The following NAP1L1 variants were observed in gnomAD, a reference collection of about 807,000 sequenced individuals.
NAP1L1 encodes the protein nucleosome assembly protein 1 like 1, also known as nucleosome assembly protein 1-like 1.
NAP1L1 carries 9 observed loss-of-function variants against 58.9 expected under a neutral mutation model. That is an observed-to-expected ratio of 0.15 (90% CI 0.09 to 0.27). The LOEUF is 0.27. Among genes scored for constraint, NAP1L1 ranks in the 10% least tolerant of loss-of-function variants. NAP1L1 has a pLI of 1.00. For synonymous variants in NAP1L1, 130 were observed against 138.3 expected (o/e 0.94, Z 0.42); for missense variants, 302 against 458.8 (o/e 0.66, Z 3.12).
rs1217574929 is a variant in NAP1L1, at chr12:76,048,452, G to C, written c.1153C>G (p.Pro385Ala). The C allele has an allele frequency of 1.2e-6, 2 of 1,613,606 alleles. No homozygotes were observed. Among genetic ancestry groups the C allele is most frequent in the Non-Finnish European group, 8.5e-7 (1 of 1,179,696 alleles). ...PDYDPKKDQN[P>A]AECKQQ Reference sequence around the variant, plus strand: ...CTTCACTGCTGCTTGCACTCTGCTGGGTTTTGATCCTTCTGTTAAAGGAAA... The same window carrying C: ...CTTCACTGCTGCTTGCACTCTGCTGCGTTTTGATCCTTCTGTTAAAGGAAA... The change falls in exon 15 of 15, where the codon CCA becomes GCA. Residue 385 changes from proline (P) to alanine (A), a missense_variant. Physicochemically the swap from Pro to Ala is conservative, Grantham distance 27 (BLOSUM62 -1). Coordinates refer to ENST00000618691, the MANE Select transcript of NAP1L1 (RefSeq NM_004537.7).
At chr12:76,084,365 G>A (rs1232102984) in intron 1 of NAP1L1, among the ~76,000 whole-genome samples, 1 of 152,110 alleles carries the variant, frequency 6.6e-6, no homozygotes, top group Non-Finnish European at 1.5e-5. Flanking sequence ...AAAAGCGCTG[G>A]TCGGCCCCGG....
At chr12:76,066,383 G>C (rs1949672605) in intron 4 of NAP1L1, among the ~76,000 whole-genome samples, 1 of 151,946 alleles carries the variant, frequency 6.6e-6, no homozygotes, top group Non-Finnish European at 1.5e-5. Flanking sequence ...AGGACTCCAT[G>C]GATAAATTTG....
intron 2 of NAP1L1, among the ~76,000 whole-genome samples, chr12:76,072,075 C>G (rs1016263875): frequency 6.6e-6 from 1 of 151,002 alleles, no homozygotes; most frequent in Non-Finnish European, 1.5e-5. Context: ...TCAAATTTTC[C>G]AATCAATTTT....
intron 1 of NAP1L1, among the ~76,000 whole-genome samples, chr12:76,082,678 T>C (rs1950455214): frequency 6.6e-6 from 1 of 152,206 alleles, no homozygotes; most frequent in African/African-American, 2.4e-5. Flanking sequence ...TTATTTAAAC[T>C]TGGGCAACTT....
At chr12:76,081,702 T>C (rs1018807807) in intron 1 of NAP1L1, among the ~76,000 whole-genome samples, 3 of 152,256 alleles carry the variant, frequency 2.0e-5, no homozygotes, top group Non-Finnish European at 2.9e-5. Context: ...GAAGCCATTT[T>C]CTATGGCAAG....
At chr12:76,068,399 G>C (rs1284473433) in intron 3 of NAP1L1, among the ~76,000 whole-genome samples, 1 of 151,744 alleles carries the variant, frequency 6.6e-6, no homozygotes, top group African/African-American at 2.4e-5. Flanking sequence ...AATATTCTTG[G>C]CGCAGATCTA....
At chr12:76,069,188 G>T (rs1412149688) in intron 2 of NAP1L1, among the ~76,000 whole-genome samples, 194 bp from the exon 3 acceptor site, 1 of 152,178 alleles carries the variant, frequency 6.6e-6, no homozygotes, top group South Asian at 2.1e-4. Context: ...TTCATTAAAA[G>T]CATCTGGTCA....
At chr12:76,068,771 C>CACACACACACACAA in intron 3 of NAP1L1, 138 bp downstream of exon 3, 2 of 637,632 alleles carry the variant, frequency 3.1e-6, no homozygotes, top group Non-Finnish European at 5.6e-6. Context: ...CACACACACA[C>CACACACACACACAA]ACACACACTA....
In NAP1L1 at chr12:76,076,577, T is replaced by C. The variant is rs970991708; in HGVS notation, c.-20-2338A>G. On this transcript the variant is annotated intron_variant, in intron 1 of 14. Transcript: ENST00000618691. ...ATATATATATATATATATATATATATATATATATATATATATCTCCACTCA... is the reference window on the plus strand; with the variant it reads ...ATATATATATATATATATATATATACATATATATATATATATCTCCACTCA... Among the ~76,000 whole-genome samples, 2 of 57,934 alleles carry C rather than the reference T, an allele frequency of 3.5e-5. 1 individual carries two copies. The highest frequency in any genetic ancestry group is 8.1e-5 in the African/African-American group (2 of 24,782). The allele number at this position is 57,934 out of a possible 152,430, so 38.0% of individuals were successfully genotyped here.
intron 4 of NAP1L1, 97 bp downstream of exon 4, chr12:76,067,274 C>A: frequency 2.2e-6 from 2 of 905,782 alleles, no homozygotes; most frequent in Non-Finnish European, 1.7e-6. Context: ...CAATAGGTTT[C>A]CACTATTGCA....
At chr12:76,060,004 A>G (rs1949331177) in intron 5 of NAP1L1, 126 bp from the exon 6 acceptor site, 1 of 1,181,512 alleles carries the variant, frequency 8.5e-7, no homozygotes, top group Non-Finnish European at 1.2e-6. Context: ...GCTATTATTG[A>G]TAGTTCCTCC....
rs752170912 is a variant in NAP1L1 at position 76,067,458 on chromosome 12, A to G, written c.119T>C (p.Val40Ala). Residue 40 changes from valine (V) to alanine (A), a missense_variant, in exon 4 of 15, where the codon GTT (valine) becomes GCT (alanine). Physicochemically the swap from Val to Ala is moderately conservative, Grantham distance 64. Coordinates refer to ENST00000618691, the MANE Select transcript of NAP1L1 (RefSeq NM_004537.7). Reference protein sequence around the residue: ...ETKLKARQLTVQMMQNPQILA... With the variant: ...ETKLKARQLTAQMMQNPQILA... ...AATCTGAGGATTTTGCATCATCTGA[A>G]CAGTTAGCTGACGTGCTTTAAAAAA... The G allele has an allele frequency of 1.2e-6, 2 of 1,605,070 alleles. No individual in the cohort carries two copies. Among genetic ancestry groups the G allele is most frequent in the African/African-American group, 2.7e-5 (2 of 74,636 alleles).
At position 76,069,070 on chromosome 12, in the gene NAP1L1, A is replaced by G. The variant is rs535234002; in HGVS notation, c.18-76T>C. On this transcript the variant is annotated intron_variant, in intron 2 of 14. Transcript: ENST00000618691. ...AAAGTTACAGAAAAACTTAAAATTCATTTTCAAAATTAGTATCTCTTTCAA... is the reference window on the plus strand; with the variant it reads ...AAAGTTACAGAAAAACTTAAAATTCGTTTTCAAAATTAGTATCTCTTTCAA... 11 of 1,027,498 alleles carry G rather than the reference A, an allele frequency of 1.1e-5. No homozygotes were observed. The Admixed American group carries it at 1.4e-4, about 13-fold the overall frequency. The allele number at this position is 1,027,498 out of a possible 1,614,324, so 63.6% of individuals were successfully genotyped here. A position where few individuals can be genotyped will look rare whatever the true frequency, so the allele number is the denominator to read the frequency against.
At chr12:76,068,337 CA>C (rs1162365175) in intron 3 of NAP1L1, among the ~76,000 whole-genome samples, 3 of 152,114 alleles carry the variant, frequency 2.0e-5, no homozygotes, top group African/African-American at 7.2e-5. Flanking sequence ...AGTCTTTTCA[CA>C]ATTAACTTCC....
intron 2 of NAP1L1, among the ~76,000 whole-genome samples, chr12:76,069,348 C>G (rs956699963): frequency 5.9e-5 from 9 of 152,194 alleles, no homozygotes; most frequent in African/African-American, 2.2e-4. Context: ...TATGAGATGG[C>G]AACACACCAA....
chr12:76,079,263 C>G (rs545573042), intron 1 of NAP1L1, among the ~76,000 whole-genome samples: 2 of 152,110 alleles, frequency 1.3e-5, no homozygotes, highest in Non-Finnish European at 2.9e-5. Flanking sequence ...CGGTAGCTCA[C>G]GTCTATAGTC....
chr12:76,081,934 C>T (rs1473860954), intron 1 of NAP1L1, among the ~76,000 whole-genome samples: 2 of 152,170 alleles, frequency 1.3e-5, no homozygotes, highest in African/African-American at 4.8e-5. Context: ...TCCTTTATAG[C>T]TCTCATCACA....
At chr12:76,083,393 C>G (rs1257672680) in intron 1 of NAP1L1, among the ~76,000 whole-genome samples, 1 of 143,204 alleles carries the variant, frequency 7.0e-6, no homozygotes, top group Non-Finnish European at 1.5e-5. Flanking sequence ...GTGGTCCGAT[C>G]TTTTGGCTTC....
chr12:76,076,553 T>A (rs1293588103), intron 1 of NAP1L1, among the ~76,000 whole-genome samples: 1 of 5,524 alleles, frequency 1.8e-4, no homozygotes, highest in Non-Finnish European at 4.1e-4. Context: ...TATGGAAATA[T>A]ATATATATAT....
Sources: allele counts gnomAD v4.1 joint callset (sites outside exome capture counted in the v4.1 genomes callset), GRCh38; gene constraint gnomAD v4.1.1; transcripts MANE v1.5; gene names NCBI Gene and HGNC (gene_info 2026-07-23, HGNC 2026-07-21).